Variants in STPG2 observed in about 807,000 individuals in gnomAD.
STPG2 encodes the protein sperm-tail PG-rich repeat-containing protein 2.
Under a neutral mutation model 54.2 loss-of-function variants are expected in STPG2, and 56 were observed. The ratio of observed to expected loss-of-function variants is 1.03; its 90% CI spans 0.83 to 1.29. The LOEUF (loss-of-function observed/expected upper bound fraction) is 1.29, where lower values mean the gene tolerates loss of function less well. Among genes scored for constraint, STPG2 ranks in the 50% most tolerant of loss-of-function variants. The pLI is 0.00. For synonymous variants in STPG2, 200 were observed against 181.8 expected, an observed-to-expected ratio of 1.10 and a Z score of -0.81; for missense variants, 596 against 544.9, an observed-to-expected ratio of 1.09 and a Z score of -0.93.
chr4:97,888,484 C>A (rs1299525518), intron 8 of STPG2, among the ~76,000 whole-genome samples: 4 of 152,208 alleles, frequency 2.6e-5, no homozygotes, highest in African/African-American at 2.4e-5. Flanking sequence ...TGCTGGGTTT[C>A]AGATTTGTAC....
At chr4:97,750,099 T>C (rs1725538641) in intron 9 of STPG2, among the ~76,000 whole-genome samples, 1 of 151,890 alleles carries the variant, frequency 6.6e-6, no homozygotes, top group Non-Finnish European at 1.5e-5. Flanking sequence ...AAAAGAATTA[T>C]ATTTTAAATC....
At chr4:97,907,608 C>A (rs1423837003) in intron 8 of STPG2, among the ~76,000 whole-genome samples, 1 of 152,132 alleles carries the variant, frequency 6.6e-6, no homozygotes, top group Non-Finnish European at 1.5e-5. Context: ...TGCTACCTGA[C>A]TTCAAACTAT....
At chr4:97,835,206 A>G (rs185576896) in intron 9 of STPG2, among the ~76,000 whole-genome samples, 92 of 152,242 alleles carry the variant, frequency 6.0e-4, no homozygotes, top group Admixed American at 1.1e-3. Flanking sequence ...TGGTGAAAAG[A>G]GTGACCTTTG....
intron 8 of STPG2, among the ~76,000 whole-genome samples, chr4:97,872,039 C>G (rs2149155435): frequency 6.6e-6 from 1 of 151,102 alleles, no homozygotes; most frequent in East Asian, 1.9e-4. Flanking sequence ...AAAGAACAGT[C>G]ATATGATCAT....
At chr4:97,868,478 A>C (rs1729871132) in intron 8 of STPG2, among the ~76,000 whole-genome samples, 1 of 151,996 alleles carries the variant, frequency 6.6e-6, no homozygotes. Flanking sequence ...AGGTAGCATA[A>C]GTTAAGATCA....
intron 10 of STPG2, among the ~76,000 whole-genome samples, chr4:97,687,140 C>T (rs1457165533): frequency 1.3e-5 from 2 of 151,404 alleles, no homozygotes; most frequent in Admixed American, 6.6e-5. Flanking sequence ...TTAGTAGAAA[C>T]GGGGTTTCAC....
intron 5 of STPG2, among the ~76,000 whole-genome samples, chr4:98,101,842 A>G (rs1241920362): frequency 6.6e-6 from 1 of 151,640 alleles, no homozygotes; most frequent in African/African-American, 2.4e-5. Flanking sequence ...CAAGCCATGA[A>G]TCCCCTTATG....
At chr4:97,738,564 A>G (rs1406421954) in intron 9 of STPG2, among the ~76,000 whole-genome samples, 11 of 152,220 alleles carry the variant, frequency 7.2e-5, no homozygotes, top group Admixed American at 7.2e-4. Context: ...TTCCAATCCT[A>G]GTCTCTGATA....
At chr4:97,713,984 T>C (rs1480918469) in intron 9 of STPG2, among the ~76,000 whole-genome samples, 1 of 152,134 alleles carries the variant, frequency 6.6e-6, no homozygotes. Flanking sequence ...GTAGAATATG[T>C]GGAATATAAT....
chr4:98,025,982 TG>T, intron 5 of STPG2: 1 of 1,158,282 alleles, frequency 8.6e-7, no homozygotes. Context: ...AAGCACATTG[TG>T]GGCCAGAATG....
chr4:97,974,736 G>A lies in STPG2; in HGVS notation c.773-2296C>T, dbSNP rs1734446668. 2.6e-5 allele frequency among the ~76,000 whole-genome samples: 4 copies of A among 152,096 alleles called. No individual in the cohort carries two copies. The South Asian group carries it at 8.3e-4, about 32-fold the overall frequency. ...TTTTATCTTCCACCATGATTGTGAG[G>A]CATCCCCAGCCATGTGGAACTGTAA... On this transcript the variant is annotated intron_variant, in intron 6 of 10. Transcript: ENST00000295268.
rs1728116433 is a variant in STPG2, at chr4:97,822,225, T to C, written c.1204+18548A>G. On this transcript the variant is annotated intron_variant, in intron 9 of 10. Coordinates refer to ENST00000295268, the MANE Select transcript of STPG2 (RefSeq NM_174952.3). ...ATTTTTTCTGCTAGATACCCTAAAA[T>C]ACAGACAAGTTATTTGCTAAGGCAT... Among the ~76,000 whole-genome samples the C allele has an allele frequency of 2.0e-5, 3 of 152,234 alleles. No homozygotes were observed. The South Asian group carries it at 6.2e-4, about 32-fold the overall frequency.
chr4:97,646,135 T>G (rs1460746234), intron 10 of STPG2, among the ~76,000 whole-genome samples: 1 of 152,132 alleles, frequency 6.6e-6, no homozygotes, highest in Non-Finnish European at 1.5e-5. Context: ...TAACTTGGCT[T>G]TCAAAAATTA....
At chr4:97,569,953 T>G (rs1246427359) in intron 10 of STPG2, among the ~76,000 whole-genome samples, 1 of 152,024 alleles carries the variant, frequency 6.6e-6, no homozygotes, top group African/African-American at 2.4e-5. Context: ...ATGTAATATA[T>G]CCTGAAAAGT....
At chr4:97,621,940 G>C (rs1339259844) in intron 10 of STPG2, among the ~76,000 whole-genome samples, 1 of 152,068 alleles carries the variant, frequency 6.6e-6, no homozygotes, top group Admixed American at 6.5e-5. Context: ...TATCAAGTAG[G>C]CTTTATCCTT....
chr4:97,831,997 G>A (rs1411572144), intron 9 of STPG2, among the ~76,000 whole-genome samples: 2 of 152,146 alleles, frequency 1.3e-5, no homozygotes, highest in African/African-American at 4.8e-5. Context: ...AGAAAAGAAG[G>A]AATCCTCCCT....
intron 10 of STPG2, among the ~76,000 whole-genome samples, chr4:97,566,754 T>C (rs1281396352): frequency 6.6e-6 from 1 of 151,590 alleles, no homozygotes; most frequent in Admixed American, 6.6e-5. Flanking sequence ...AAATTGGAAA[T>C]CATCATTCTC....
At chr4:97,838,933 G>A (rs1245181475) in intron 9 of STPG2, among the ~76,000 whole-genome samples, 2 of 151,446 alleles carry the variant, frequency 1.3e-5, no homozygotes, top group African/African-American at 4.8e-5. Flanking sequence ...GCCACTTTAA[G>A]ATGCACGATA....
intron 4 of STPG2, among the ~76,000 whole-genome samples, chr4:97,523,523 A>G (rs2148848438): frequency 6.6e-6 from 1 of 152,112 alleles, no homozygotes; most frequent in African/African-American, 2.4e-5. Context: ...GTGAAGGGTG[A>G]TTAAACAGTT....
Sources: gnomAD v4.1 joint callset for allele counts (sites outside exome capture counted in the v4.1 genomes callset) on GRCh38, gnomAD v4.1.1 for gene constraint, MANE v1.5 for transcripts, NCBI Gene and HGNC (gene_info 2026-07-23, HGNC 2026-07-21) for gene names.